The following FBH1 variants were observed in gnomAD, a reference collection of about 807,000 sequenced individuals.
FBH1 encodes the protein F-box DNA helicase 1, also known as DNA 3'-5' helicase 1.
FBH1 carries 43 observed loss-of-function variants against 115.5 expected under a neutral mutation model. The ratio of observed to expected loss-of-function variants is 0.37; its 90% CI spans 0.29 to 0.48. The LOEUF is 0.48. Ranked by LOEUF, FBH1 falls within the 20% of genes least tolerant of loss-of-function variation. FBH1 has a pLI of 0.99. For missense variants in FBH1, 1,001 were observed against 1,337.3 expected (o/e 0.75, Z 3.92); for synonymous variants, 524 against 507.8 (o/e 1.03, Z -0.43).
At position 5,933,115 on chromosome 10, in the gene FBH1, CAGT is replaced by C. The variant is rs1833056454; in HGVS notation, c.2830-3338_2830-3336del. 6.6e-6 allele frequency among the ~76,000 whole-genome samples: 1 copy of C among 152,126 alleles called. No individual in the cohort carries two copies. On this transcript the variant is annotated intron_variant, in intron 19 of 20. Coordinates refer to ENST00000362091, the MANE Select transcript of FBH1 (RefSeq NM_178150.3). The surrounding 1 kb of genome is among the most constrained non-coding windows in gnomAD (Gnocchi z 4.9). ...GCATAAGAGTGAAATAGGCCCGGCG[CAGT>C]AGCTCACACCTGTAATCCCAGTACT... is the stretch of plus-strand genomic sequence containing the variant.
chr10:5,915,374 G>T lies in FBH1; in HGVS notation c.1397-29G>T. On this transcript the variant is annotated intron_variant, in intron 8 of 20. Coordinates refer to ENST00000362091, the MANE Select transcript of FBH1 (RefSeq NM_178150.3). The surrounding 1 kb of genome is among the most constrained non-coding windows in gnomAD (Gnocchi z 5.2). ...TGGGCATGTCTTGTCTGGTCAGAGG[G>T]TCACCTCCTTTCCTCCTGGCTTCCC... is the stretch of plus-strand genomic sequence containing the variant. 2.5e-6 allele frequency: 4 copies of T among 1,612,380 alleles called. No homozygotes were observed. The highest frequency in any genetic ancestry group is 1.7e-4 in the Middle Eastern group (1 of 6,044).
rs992964389 is a variant in FBH1, at chr10:5,900,963, G to C, written c.2-2057G>C. On this transcript the variant is annotated intron_variant, in intron 1 of 20. Coordinates refer to ENST00000362091, the MANE Select transcript of FBH1 (RefSeq NM_178150.3). This position sits in a 1 kb window ranked among gnomAD's most constrained non-coding sequence, Gnocchi z 4.2. ...GATACAAAAGTTAGCTGGGTGTGGT[G>C]GAGGGGGCCTGTAGTCCCAGCTACT... Among the ~76,000 whole-genome samples, 3 of 152,090 alleles carry C rather than the reference G, an allele frequency of 2.0e-5. No individual in the cohort carries two copies. The highest frequency in any genetic ancestry group is 7.2e-5 in the African/African-American group (3 of 41,402).
intron 2 of FBH1, among the ~76,000 whole-genome samples, chr10:5,905,561 G>T (rs983601376): frequency 5.3e-5 from 8 of 152,108 alleles, no homozygotes; most frequent in African/African-American, 1.9e-4. Context: ...AAAAATAAAA[G>T]TTTTAGCACT....
In FBH1 at chr10:5,921,173, C is replaced by A; in HGVS notation, c.2101-85C>A. The A allele has an allele frequency of 7.4e-7, 1 of 1,346,300 alleles. No homozygotes were observed. The highest frequency in any genetic ancestry group is 1.1e-6 in the Non-Finnish European group (1 of 950,986). The allele number at this position is 1,346,300 out of a possible 1,614,324, so 83.4% of individuals were successfully genotyped here. On this transcript the variant is annotated intron_variant, in intron 13 of 20. Coordinates refer to ENST00000362091, the MANE Select transcript of FBH1 (RefSeq NM_178150.3). The surrounding 1 kb of genome is among the most constrained non-coding windows in gnomAD (Gnocchi z 6.4). Reference sequence around the variant, plus strand: ...TCAGGAACAACTTGTAGGGTCTGGCCCGGCCAGGCTGTGGCAGCAGTGATG... The same window carrying A: ...TCAGGAACAACTTGTAGGGTCTGGCACGGCCAGGCTGTGGCAGCAGTGATG...
At chr10:5,894,806 G>A (rs1589042629) in intron 1 of FBH1, among the ~76,000 whole-genome samples, 2 of 152,178 alleles carry the variant, frequency 1.3e-5, no homozygotes, top group African/African-American at 4.8e-5. Flanking sequence ...GATGGAAGAC[G>A]TATTAAATAC....
rs1221734441 is a variant in FBH1 at position 5,906,312 on chromosome 10, A to G, written c.433A>G (p.Lys145Glu). 3.1e-6 allele frequency: 5 copies of G among 1,614,068 alleles called. No individual in the cohort carries two copies. The highest frequency in any genetic ancestry group is 2.2e-5 in the East Asian group (1 of 44,888). ...TGTSRWDGVSKKAPRHHLSVP... is the reference protein window; with the variant it reads ...TGTSRWDGVSEKAPRHHLSVP... ...GACCAGCCGGTGGGATGGAGTTTCTAAGAAAGCTCCACGGCACCATTTGTC... is the reference window on the plus strand; with the variant it reads ...GACCAGCCGGTGGGATGGAGTTTCTGAGAAAGCTCCACGGCACCATTTGTC... Residue 145 changes from lysine (K) to glutamate (E), a missense_variant, in exon 3 of 21, where the codon AAG becomes GAG. Lys to Glu is a moderately conservative substitution (Grantham distance 56). Coordinates refer to ENST00000362091, the MANE Select transcript of FBH1 (RefSeq NM_178150.3). The surrounding 1 kb of genome is among the most constrained non-coding windows in gnomAD (Gnocchi z 7.3).
At position 5,917,446 on chromosome 10, in the gene FBH1, C is replaced by T. The variant is rs141360071; in HGVS notation, c.1815C>T (p.Leu605=). ...KLNGVLEASR[L]WDNMRKLGEC... is the part of the protein sequence containing the mutation. ...ATGGTGTCCTTGAAGCGAGCCGCCT[C>T]TGGGATAACATGCGGAAGCTGGGGG... Residue 605 remains leucine, a synonymous_variant, in exon 11 of 21, where the codon CTC becomes CTT. Coordinates refer to ENST00000362091, the MANE Select transcript of FBH1 (RefSeq NM_178150.3). This position sits in a 1 kb window ranked among gnomAD's most constrained non-coding sequence, Gnocchi z 5.6. 2.2e-5 allele frequency: 35 copies of T among 1,614,232 alleles called. No homozygotes were observed. The African/African-American group carries it at 4.5e-4, about 21-fold the overall frequency.
At chr10:5,907,166 T>G (rs1308231435) in intron 3 of FBH1, among the ~76,000 whole-genome samples, 1 of 151,478 alleles carries the variant, frequency 6.6e-6, no homozygotes, top group African/African-American at 2.4e-5. Context: ...TTTTACCATG[T>G]TGGCCAGGAT....
In FBH1 at chr10:5,913,701, G is replaced by A. The variant is rs373816444; in HGVS notation, c.1212-46G>A. 3.7e-6 allele frequency: 5 copies of A among 1,352,398 alleles called. No homozygotes were observed. The African/African-American group carries it at 7.6e-5, about 21-fold the overall frequency. 83.8% of individuals were successfully genotyped at this position (1,352,398 alleles called of 1,614,324 possible). Reference sequence around the variant, plus strand: ...TCTGAGGAAAAATAAGATGCAGATTGTGACTTGAATTTGAGACTTTCTAAA... The same window carrying A: ...TCTGAGGAAAAATAAGATGCAGATTATGACTTGAATTTGAGACTTTCTAAA... On this transcript the variant is annotated intron_variant, in intron 6 of 20. Transcript: ENST00000362091. This position sits in a 1 kb window ranked among gnomAD's most constrained non-coding sequence, Gnocchi z 4.4.
intron 9 of FBH1, 152 bp from the exon 10 acceptor site, chr10:5,916,082 C>A: frequency 1.5e-6 from 1 of 671,766 alleles, no homozygotes; most frequent in Non-Finnish European, 2.5e-6. Context: ...CAGACATGGA[C>A]CATGCAGAAC....
rs142910031 is a variant in FBH1, at chr10:5,913,800, A to C, written c.1265A>C (p.Gln422Pro). 1 of 1,595,718 alleles carries C rather than the reference A, an allele frequency of 6.3e-7. No individual in the cohort carries two copies. The highest frequency in any genetic ancestry group is 1.1e-5 in the South Asian group (1 of 87,092). Residue 422 changes from glutamine (Q) to proline (P), a missense_variant, in exon 7 of 21, where the codon CAG becomes CCG. Physicochemically the swap from Gln to Pro is moderately conservative, Grantham distance 76. Coordinates refer to ENST00000362091, the MANE Select transcript of FBH1 (RefSeq NM_178150.3). This position sits in a 1 kb window ranked among gnomAD's most constrained non-coding sequence, Gnocchi z 4.4. Reference sequence around the variant, plus strand: ...TATCTTCAGGAGAATTCCTGCACTCAGGCCACAAAAGTTAAAGAGGAGCCA... The same window carrying C: ...TATCTTCAGGAGAATTCCTGCACTCCGGCCACAAAAGTTAAAGAGGAGCCA... ...CLYLQENSCTQATKVKEEPSV... is the reference protein window; with the variant it reads ...CLYLQENSCTPATKVKEEPSV...
chr10:5,911,205 C>T lies in FBH1; in HGVS notation c.1211+77C>T, dbSNP rs1471807256. The T allele has an allele frequency of 4.9e-6, 7 of 1,425,898 alleles. No individual in the cohort carries two copies. Among genetic ancestry groups the T allele is most frequent in the Admixed American group, 2.0e-5 (1 of 50,608 alleles). 88.3% of individuals were successfully genotyped at this position (1,425,898 alleles called of 1,614,324 possible). A position where few individuals can be genotyped will look rare whatever the true frequency, so the allele number is the denominator to read the frequency against. On this transcript the variant is annotated intron_variant, in intron 6 of 20. Transcript: ENST00000362091. This position sits in a 1 kb window ranked among gnomAD's most constrained non-coding sequence, Gnocchi z 5.4. ...GACACAGCAGCAGGTCCAGCCCTGC[C>T]ACTTAGCAGTGTTAGCACCTGGCAG... is the stretch of plus-strand genomic sequence containing the variant.
At chr10:5,916,046 T>C (rs897241186) in intron 9 of FBH1, 188 bp from the exon 10 acceptor site, 5 of 599,782 alleles carry the variant, frequency 8.3e-6, no homozygotes, top group Non-Finnish European at 1.5e-5. Flanking sequence ...GGTTGGTACA[T>C]GTGAGTCCTG....
At chr10:5,894,765 T>C (rs1487078672) in intron 1 of FBH1, among the ~76,000 whole-genome samples, 1 of 152,216 alleles carries the variant, frequency 6.6e-6, no homozygotes, top group African/African-American at 2.4e-5. Context: ...TCTCTACTCC[T>C]TCCCACTAGA....
intron 1 of FBH1, chr10:5,894,061 G>GA: frequency 1.0e-6 from 1 of 985,396 alleles, no homozygotes. Context: ...AGGTGTCTCA[G>GA]ATGTGAGAGG....
intron 19 of FBH1, chr10:5,928,444 T>A (rs556882553): frequency 9.8e-5 from 15 of 152,370 alleles, no homozygotes; most frequent in African/African-American, 3.4e-4. Context: ...GCCACCTTGC[T>A]TTGCCCCTAT....
Position 5,937,405 on chromosome 10 carries a change from G to A in FBH1, c.*125G>A. 1 of 1,119,396 alleles carries A rather than the reference G, an allele frequency of 8.9e-7. No homozygotes were observed. The highest frequency in any genetic ancestry group is 1.2e-6 in the Non-Finnish European group (1 of 841,022). 69.3% of individuals were successfully genotyped at this position (1,119,396 alleles called of 1,614,324 possible). On this transcript the variant is annotated 3_prime_UTR_variant, in exon 21 of 21. Transcript: ENST00000362091. ...CACCCACAGCACTTTCTGAGGAAGA[G>A]GACACCAGCCCAAGCTGGACCTGCC... is the stretch of plus-strand genomic sequence containing the variant.
At chr10:5,892,691 AAG>A (rs953878943) in intron 1 of FBH1, among the ~76,000 whole-genome samples, 2 of 152,232 alleles carry the variant, frequency 1.3e-5, no homozygotes, top group Admixed American at 6.5e-5. Flanking sequence ...CCGGGGGAAA[AAG>A]TGATTAAAAC....
At position 5,918,113 on chromosome 10, in the gene FBH1, A is replaced by G. The variant is rs1832085714; in HGVS notation, c.1964-229A>G. ...GCCTGTGTTGTTTTCTTATATTCCAACAATTCATCCAAGGCGAAACATAAT... is the reference window on the plus strand; with the variant it reads ...GCCTGTGTTGTTTTCTTATATTCCAGCAATTCATCCAAGGCGAAACATAAT... On this transcript the variant is annotated intron_variant, in intron 12 of 20. Coordinates refer to ENST00000362091, the MANE Select transcript of FBH1 (RefSeq NM_178150.3). The surrounding 1 kb of genome is among the most constrained non-coding windows in gnomAD (Gnocchi z 4.0). Among the ~76,000 whole-genome samples the G allele has an allele frequency of 6.6e-6, 1 of 152,206 alleles. No homozygotes were observed. Among genetic ancestry groups the G allele is most frequent in the Non-Finnish European group, 1.5e-5 (1 of 68,044 alleles).
Sources: allele counts gnomAD v4.1 joint callset (sites outside exome capture counted in the v4.1 genomes callset), GRCh38; gene constraint gnomAD v4.1.1; non-coding constraint Gnocchi (gnomAD v3.1); transcripts MANE v1.5; gene names NCBI Gene and HGNC (gene_info 2026-07-23, HGNC 2026-07-21).